Variants in PCCA observed in about 807,000 individuals in gnomAD.
PCCA encodes propionyl-CoA carboxylase alpha chain, mitochondrial.
A neutral mutation model predicts 101.3 loss-of-function variants in PCCA; 74 were observed. The observed-to-expected ratio is 0.73, with a 90% CI of 0.61 to 0.89. The LOEUF is 0.89. Ranked by LOEUF, PCCA falls within the 40% of genes least tolerant of loss-of-function variation. PCCA has a pLI of 0.00. For missense variants in PCCA, 891 were observed against 907.0 expected (o/e 0.98, Z 0.23); for synonymous variants, 294 against 313.6 (o/e 0.94, Z 0.66).
At chr13:100,483,420 C>G (rs945256777) in intron 21 of PCCA, among the ~76,000 whole-genome samples, 3 of 152,234 alleles carry the variant, frequency 2.0e-5, no homozygotes, top group Non-Finnish European at 4.4e-5. Flanking sequence ...CACCTTTTGG[C>G]CAATGGGCCA....
At chr13:100,312,480 G>A (rs755655410) in intron 16 of PCCA, among the ~76,000 whole-genome samples, 16 of 152,196 alleles carry the variant, frequency 1.1e-4, no homozygotes, top group East Asian at 5.8e-4. Flanking sequence ...ACGCTCAAGC[G>A]TCTTTGCAGT....
At position 100,510,516 on chromosome 13, in the gene PCCA, G is replaced by A. The variant is rs78597459; in HGVS notation, c.1900-4911G>A. Among the ~76,000 whole-genome samples, 1,232 of 152,340 alleles carry A rather than the reference G, an allele frequency of 8.1e-3. 8 individuals are homozygous for A. The highest frequency in any genetic ancestry group is 0.013 in the Non-Finnish European group (886 of 68,042). ...TACACCATTAATCTAATTATAGATA[G>A]CTGCAAATGAAGTGCTGTCTGAGCT... On this transcript the variant is annotated intron_variant, in intron 21 of 23. Coordinates refer to ENST00000376285, the MANE Select transcript of PCCA (RefSeq NM_000282.4).
chr13:100,235,465 G>A (rs1373084976), intron 7 of PCCA, among the ~76,000 whole-genome samples: 1 of 152,104 alleles, frequency 6.6e-6, no homozygotes, highest in Non-Finnish European at 1.5e-5. Flanking sequence ...AGGAAAACAT[G>A]ACACATAATA....
intron 17 of PCCA, among the ~76,000 whole-genome samples, chr13:100,337,059 T>C (rs2070588580): frequency 6.6e-6 from 1 of 152,178 alleles, no homozygotes; most frequent in African/African-American, 2.4e-5. Context: ...ACAGCACTCT[T>C]GGTTTACGTT....
chr13:100,228,450 A>G (rs562232718), intron 7 of PCCA, among the ~76,000 whole-genome samples: 22 of 152,270 alleles, frequency 1.4e-4, no homozygotes, highest in Admixed American at 5.9e-4. Flanking sequence ...ATTTTCATGT[A>G]TTGTGTGTCA....
chr13:100,326,774 T>G (rs1218287148), intron 16 of PCCA, among the ~76,000 whole-genome samples: 1 of 152,166 alleles, frequency 6.6e-6, no homozygotes, highest in Non-Finnish European at 1.5e-5. Flanking sequence ...GTATTTTCTC[T>G]TATGATTTGC....
At chr13:100,353,432 A>G (rs2073530577) in intron 18 of PCCA, among the ~76,000 whole-genome samples, 1 of 152,242 alleles carries the variant, frequency 6.6e-6, no homozygotes, top group Admixed American at 6.5e-5. Flanking sequence ...CATCCAAAGT[A>G]TGTTTCTGAC....
intron 2 of PCCA, among the ~76,000 whole-genome samples, chr13:100,111,246 T>A (rs112681144): frequency 6.9e-6 from 1 of 145,592 alleles, no homozygotes; most frequent in African/African-American, 2.6e-5. Context: ...TTGGTCAGGA[T>A]GGTCTCGATC....
chr13:100,168,167 A>G (rs1356297431), intron 6 of PCCA, among the ~76,000 whole-genome samples: 1 of 152,176 alleles, frequency 6.6e-6, no homozygotes, highest in East Asian at 1.9e-4. Flanking sequence ...ACACATAACC[A>G]TCGTGAGTAA....
intron 21 of PCCA, among the ~76,000 whole-genome samples, chr13:100,495,195 G>A (rs2085189854): frequency 6.6e-6 from 1 of 152,114 alleles, no homozygotes; most frequent in African/African-American, 2.4e-5. Context: ...GATTAATCCA[G>A]GCTTTCGGCT....
At chr13:100,159,056 A>AT (rs1473108070) in intron 6 of PCCA, among the ~76,000 whole-genome samples, 1 of 109,788 alleles carries the variant, frequency 9.1e-6, no homozygotes, top group African/African-American at 3.5e-5. Flanking sequence ...CAGTTTATGC[A>AT]TTTTTTCAGT....
chr13:100,293,358 A>T (rs2065282026), intron 12 of PCCA: 3 of 378,382 alleles, frequency 7.9e-6, no homozygotes, highest in Non-Finnish European at 1.1e-5. Context: ...GATTTTAGAA[A>T]TTTTTTTGTA....
intron 19 of PCCA, among the ~76,000 whole-genome samples, chr13:100,423,082 G>T (rs568549020): frequency 2.0e-5 from 3 of 151,980 alleles, no homozygotes; most frequent in South Asian, 2.1e-4. Context: ...GTTGAAATAG[G>T]CCGGGAGGGT....
At chr13:100,478,666 T>C (rs1471438951) in intron 21 of PCCA, among the ~76,000 whole-genome samples, 1 of 152,212 alleles carries the variant, frequency 6.6e-6, no homozygotes, top group Non-Finnish European at 1.5e-5. Flanking sequence ...CCAGGCGTAC[T>C]GTAGCGGCCT....
intron 5 of PCCA, 55 bp from the exon 6 acceptor site, chr13:100,157,232 A>T: frequency 8.0e-7 from 1 of 1,250,238 alleles, no homozygotes; most frequent in South Asian, 1.2e-5. Context: ...CATTTTGCTT[A>T]TAAAGCTTTT....
At chr13:100,146,231 G>T (rs1194201666) in intron 4 of PCCA, among the ~76,000 whole-genome samples, 1 of 149,490 alleles carries the variant, frequency 6.7e-6, no homozygotes, top group Admixed American at 6.7e-5. Context: ...GTGAGCCACC[G>T]CACCGGCCAG....
At chr13:100,381,902 C>T (rs925881084) in intron 19 of PCCA, among the ~76,000 whole-genome samples, 5 of 152,220 alleles carry the variant, frequency 3.3e-5, no homozygotes, top group Admixed American at 1.3e-4. Context: ...TGCTTTTGGG[C>T]GCCAGCAGGA....
intron 4 of PCCA, among the ~76,000 whole-genome samples, chr13:100,123,143 G>A (rs1409212751): frequency 3.3e-5 from 5 of 152,146 alleles, no homozygotes; most frequent in Non-Finnish European, 5.9e-5. Context: ...TGCAACCTCC[G>A]CCTCACAGGT....
At chr13:100,147,195 A>G (rs1015919906) in intron 4 of PCCA, among the ~76,000 whole-genome samples, 4 of 152,172 alleles carry the variant, frequency 2.6e-5, no homozygotes, top group African/African-American at 4.8e-5. Flanking sequence ...GGATAACAGG[A>G]AATGGGACTA....
Sources: allele counts gnomAD v4.1 joint callset (sites outside exome capture counted in the v4.1 genomes callset), GRCh38; gene constraint gnomAD v4.1.1; transcripts MANE v1.5; gene names NCBI Gene and HGNC (gene_info 2026-07-23, HGNC 2026-07-21).